The following RIOX2 variants were observed in gnomAD, a reference collection of about 807,000 sequenced individuals.
RIOX2 encodes the protein 60S ribosomal protein L27a histidine hydroxylase.
In RIOX2, 43 loss-of-function variants were observed where a neutral mutation model predicts 51.2. The observed-to-expected ratio is 0.84, with a 90% CI of 0.66 to 1.08. The LOEUF (loss-of-function observed/expected upper bound fraction) is 1.08, where lower values mean the gene tolerates loss of function less well. Ranked by LOEUF, RIOX2 falls within the 50% of genes least tolerant of loss-of-function variation. RIOX2 has a pLI of 0.00. For missense variants in RIOX2, 566 were observed against 561.7 expected, an observed-to-expected ratio of 1.01 and a Z score of -0.08; for synonymous variants, 226 against 218.5, an observed-to-expected ratio of 1.03 and a Z score of -0.30.
At chr3:97,959,219 T>C (rs766915660) in intron 3 of RIOX2, 40 bp from the exon 4 acceptor site, 12 of 1,591,582 alleles carry the variant, frequency 7.5e-6, no homozygotes, top group African/African-American at 2.7e-5. Context: ...GAGAGCTTCC[T>C]GACAACTCAC....
chr3:97,961,658 CA>C lies in RIOX2; in HGVS notation c.482del (p.Leu161TrpfsTer8). The C allele has an allele frequency of 6.2e-7, 1 of 1,612,348 alleles. No homozygotes were observed. The highest frequency in any genetic ancestry group is 8.5e-7 in the Non-Finnish European group (1 of 1,179,502). On this transcript the variant is annotated frameshift_variant, in exon 3 of 10. Coordinates refer to ENST00000394198, the MANE Select transcript of RIOX2 (RefSeq NM_153182.4). LOFTEE classifies it high-confidence loss of function. ...QEKLECYFGS[L>X]VGSNVYITPA... The stretch of plus-strand genomic sequence containing the variant: ...GAGTTATGTACACATTCGAGCCAAC[CA>C]AGGAGCCAAAGTAACATTCCAGCTT...
In RIOX2 at chr3:97,950,806, T is replaced by C. The variant is rs60134263; in HGVS notation, c.868A>G (p.Ile290Val). 117 of 1,613,730 alleles carry C rather than the reference T, an allele frequency of 7.3e-5. No individual in the cohort carries two copies. The East Asian group carries it at 2.6e-3, about 36-fold the overall frequency. Residue 290 changes from isoleucine to valine, a missense_variant, in exon 6 of 10, where the codon ATA becomes GTA. Coordinates refer to ENST00000394198, the MANE Select transcript of RIOX2 (RefSeq NM_153182.4). ...CTTACCAGGAGCAGCTGCCGGGGTA[T>C]GCCGGTCCGTAACTCCACGTCTTCC... ...AKEDVELRTGIPRQLLLQVES... is the reference protein window; with the variant it reads ...AKEDVELRTGVPRQLLLQVES...
intron 5 of RIOX2, among the ~76,000 whole-genome samples, chr3:97,952,916 A>G (rs1468995038): frequency 6.6e-6 from 1 of 152,128 alleles, no homozygotes; most frequent in Non-Finnish European, 1.5e-5. Context: ...GAAAGATAGC[A>G]CTAAACTAGG....
chr3:97,957,323 C>T (rs1290905562), intron 4 of RIOX2, among the ~76,000 whole-genome samples: 1 of 151,696 alleles, frequency 6.6e-6, no homozygotes, highest in East Asian at 1.9e-4. Context: ...ATGGTGAAAC[C>T]GTCTCTACTA....
chr3:97,965,646 G>A (rs2107192118), intron 2 of RIOX2, among the ~76,000 whole-genome samples: 1 of 152,308 alleles, frequency 6.6e-6, no homozygotes, highest in African/African-American at 2.4e-5. Flanking sequence ...CTTGGACACT[G>A]GAATCCCAGA....
intron 3 of RIOX2, among the ~76,000 whole-genome samples, 160 bp from the exon 4 acceptor site, chr3:97,959,339 T>C (rs1705584265): frequency 6.9e-6 from 1 of 144,844 alleles, no homozygotes; most frequent in Non-Finnish European, 1.5e-5. Flanking sequence ...TTAGTTGTTA[T>C]AGACAGTCTC....
chr3:97,955,736 G>C (rs947920589), intron 4 of RIOX2, among the ~76,000 whole-genome samples: 2 of 152,104 alleles, frequency 1.3e-5, no homozygotes, highest in Non-Finnish European at 2.9e-5. Context: ...TAACAATGGG[G>C]TTATGTTCTG....
At chr3:97,966,899 A>G (rs1025501156) in intron 2 of RIOX2, among the ~76,000 whole-genome samples, 1 of 152,240 alleles carries the variant, frequency 6.6e-6, no homozygotes, top group South Asian at 2.1e-4. Flanking sequence ...CAACTTTATA[A>G]ACTTGCAGTA....
Position 97,946,584 on chromosome 3 carries a change from A to ATG in RIOX2, c.1150-699_1150-698dup, listed in dbSNP as rs1191484648. Reference sequence around the variant, plus strand: ...GATGTAGGAATGTGTACTTTTGAGGATGTATATATATATATATATATATCT... The same window carrying ATG: ...GATGTAGGAATGTGTACTTTTGAGGATGTGTATATATATATATATATATATCT... On this transcript the variant is annotated intron_variant, in intron 8 of 9. Transcript: ENST00000394198. 2.8e-4 allele frequency among the ~76,000 whole-genome samples: 13 copies of ATG among 46,528 alleles called. 1 individual carries two copies. In the South Asian group the frequency reaches 5.9e-3, roughly 21 times the overall value. 30.5% of individuals were successfully genotyped at this position (46,528 alleles called of 152,430 possible). A position where few individuals can be genotyped will look rare whatever the true frequency, so the allele number is the denominator to read the frequency against.
At chr3:97,964,696 T>TAAAAAAAAAAAAAAAAAAA (rs1159985029) in intron 2 of RIOX2, among the ~76,000 whole-genome samples, 1 of 60,210 alleles carries the variant, frequency 1.7e-5, no homozygotes, top group Non-Finnish European at 3.1e-5. Context: ...GACTCTGTCT[T>TAAAAAAAAAAAAAAAAAAA]AAAAAAAAAA....
chr3:97,969,559 G>C (rs1706040830), intron 1 of RIOX2, among the ~76,000 whole-genome samples: 1 of 152,202 alleles, frequency 6.6e-6, no homozygotes, highest in African/African-American at 2.4e-5. Context: ...GGCTCACCAT[G>C]CCTAAAATGT....
intron 3 of RIOX2, among the ~76,000 whole-genome samples, chr3:97,960,164 C>T (rs1171171754): frequency 6.6e-6 from 1 of 152,100 alleles, no homozygotes; most frequent in Non-Finnish European, 1.5e-5. Context: ...TGTGCCACTA[C>T]TGCTACTGCA....
At chr3:97,965,759 A>G (rs1705868308) in intron 2 of RIOX2, among the ~76,000 whole-genome samples, 1 of 152,224 alleles carries the variant, frequency 6.6e-6, no homozygotes, top group African/African-American at 2.4e-5. Flanking sequence ...CACATATGCC[A>G]AATATCATCT....
chr3:97,950,462 T>C (rs1238273346), intron 6 of RIOX2, among the ~76,000 whole-genome samples: 2 of 152,190 alleles, frequency 1.3e-5, no homozygotes, highest in Non-Finnish European at 2.9e-5. Flanking sequence ...TCCAGTACAG[T>C]GAGTTTCTCT....
chr3:97,962,150 G>C (rs1368670996), intron 2 of RIOX2, among the ~76,000 whole-genome samples: 1 of 152,060 alleles, frequency 6.6e-6, no homozygotes, highest in Non-Finnish European at 1.5e-5. Context: ...GTAGAAGAGT[G>C]GGATGCACTC....
rs1705933405 is a variant in RIOX2 at position 97,967,379 on chromosome 3, G to T, written c.215C>A (p.Ala72Glu). Residue 72 changes from alanine (A) to glutamate (E), a missense_variant, in exon 2 of 10, where the codon GCA (alanine) becomes GAA (glutamate). Coordinates refer to ENST00000394198, the MANE Select transcript of RIOX2 (RefSeq NM_153182.4). Reference sequence around the variant, plus strand: ...CAGGGACCCATAGTATGTGGCCAGTGCAGGGTCATCTCTCTGAATGAGAAG... The same window carrying T: ...CAGGGACCCATAGTATGTGGCCAGTTCAGGGTCATCTCTCTGAATGAGAAG... ...KPLLIQRDDP[A>E]LATYYGSLFK... 1 of 1,614,170 alleles carries T rather than the reference G, an allele frequency of 6.2e-7. No individual in the cohort carries two copies.
intron 5 of RIOX2, chr3:97,952,110 T>C: frequency 8.7e-7 from 1 of 1,155,478 alleles, no homozygotes; most frequent in Non-Finnish European, 1.2e-6. Context: ...ACTCCAACAA[T>C]GCTACCTTGA....
chr3:97,946,291 T>A (rs567216860), intron 8 of RIOX2, among the ~76,000 whole-genome samples: 1 of 152,038 alleles, frequency 6.6e-6, no homozygotes, highest in Non-Finnish European at 1.5e-5. Context: ...TTTCTAGGTA[T>A]AAACTGACAA....
rs535553685 is a variant in RIOX2, at chr3:97,943,409, C to T, written c.*1775G>A. The T allele has an allele frequency of 4.0e-5, 29 of 727,426 alleles. No individual in the cohort carries two copies. In the South Asian group the frequency reaches 4.4e-4, roughly 11 times the overall value. 45.1% of individuals were successfully genotyped at this position (727,426 alleles called of 1,614,324 possible). A position where few individuals can be genotyped will look rare whatever the true frequency, so the allele number is the denominator to read the frequency against. On this transcript the variant is annotated 3_prime_UTR_variant, in exon 10 of 10. Transcript: ENST00000394198. ...GACGTGGAAAGGAAGCTACTGTCCT[C>T]ACACTCCTGGATCACTGAGCAGAAT...
Sources: gnomAD v4.1 joint callset for allele counts (sites outside exome capture counted in the v4.1 genomes callset) on GRCh38, gnomAD v4.1.1 for gene constraint, MANE v1.5 for transcripts, NCBI Gene and HGNC (gene_info 2026-07-23, HGNC 2026-07-21) for gene names.